The following HTT variants were observed in gnomAD, a reference collection of about 807,000 sequenced individuals.
The protein encoded by HTT is huntington disease protein.
In HTT, 104 loss-of-function variants were observed where a neutral mutation model predicts 362.3. The observed-to-expected ratio is 0.29, with a 90% CI of 0.24 to 0.34. The LOEUF is 0.34. HTT is among the 10% of genes least tolerant of loss of function. The pLI, the probability that HTT is intolerant of heterozygous loss-of-function variation, is 1.00. For synonymous variants in HTT, 1,577 were observed against 1,548.7 expected (o/e 1.02, Z -0.43); for missense variants, 3,301 against 3,928.6 (o/e 0.84, Z 4.27).
Position 3,182,351 on chromosome 4 carries a change from T to C in HTT, c.4750-3T>C, listed in dbSNP as rs756398589. ...GACTTTCTAATTGTGCACGCTCTTA[T>C]AGGTGTTGGAGATGTTCATTCTTGT... On this transcript the variant is annotated splice_polypyrimidine_tract_variant and splice_region_variant and intron_variant, in intron 36 of 66. Coordinates refer to ENST00000355072, the MANE Select transcript of HTT (RefSeq NM_001388492.1). The C allele has an allele frequency of 1.6e-5, 26 of 1,597,608 alleles. No individual in the cohort carries two copies. Among genetic ancestry groups the C allele is most frequent in the Middle Eastern group, 1.7e-4 (1 of 6,046 alleles).
At chr4:3,210,057 A>T in intron 47 of HTT, 108 bp downstream of exon 47, 1 of 1,395,220 alleles carries the variant, frequency 7.2e-7, no homozygotes, top group South Asian at 1.3e-5. Context: ...CATGTTGGGG[A>T]CTCCAGTCTG....
At chr4:3,164,021 G>C (rs552688328) in intron 29 of HTT, among the ~76,000 whole-genome samples, 9 of 152,118 alleles carry the variant, frequency 5.9e-5, no homozygotes, top group African/African-American at 1.9e-4. Context: ...TGATGTTAGG[G>C]TGTTAATTTT....
chr4:3,197,659 C>T (rs1357892698), intron 40 of HTT, among the ~76,000 whole-genome samples: 3 of 152,144 alleles, frequency 2.0e-5, no homozygotes, highest in African/African-American at 7.2e-5. Context: ...ACAGATACTG[C>T]TCTTAATTCC....
Position 3,140,667 on chromosome 4 carries a change from C to CTG in HTT, c.2945+11_2945+12insTG, listed in dbSNP as rs1560565965. On this transcript the variant is annotated intron_variant, in intron 22 of 66. Transcript: ENST00000355072. ...CAGCACAATAACCAGGTATGCTGACCCAGTGGCATCTTCACATTGTCGGGA... is the reference window on the plus strand; with the variant it reads ...CAGCACAATAACCAGGTATGCTGACCTGCAGTGGCATCTTCACATTGTCGGGA... The CTG allele has an allele frequency of 6.2e-6, 10 of 1,609,828 alleles. No homozygotes were observed. Among genetic ancestry groups the CTG allele is most frequent in the Non-Finnish European group, 7.6e-6 (9 of 1,177,302 alleles).
At chr4:3,222,841 G>T (rs936367236) in intron 54 of HTT, among the ~76,000 whole-genome samples, 3 of 152,180 alleles carry the variant, frequency 2.0e-5, no homozygotes, top group African/African-American at 7.2e-5. Flanking sequence ...GTAGTACCTG[G>T]TTTCATTTTT....
In HTT at chr4:3,238,549, C is replaced by T. The variant is rs767267961; in HGVS notation, c.8994C>T (p.Ile2998=). The T allele has an allele frequency of 7.5e-5, 121 of 1,613,264 alleles. No homozygotes were observed. In the East Asian group the frequency reaches 1.2e-3, roughly 15 times the overall value. The change falls in exon 65 of 67, where the codon ATC becomes ATT. Residue 2998 remains isoleucine, a synonymous_variant. Transcript: ENST00000355072. ...CCCAGGACATCATGAACAAAGTCAT[C>T]GGAGAGTTTCTGTCCAACCAGCAGC... ...FPPQDIMNKV[I]GEFLSNQQPY...
At chr4:3,207,638 C>G (rs1327715183) in intron 45 of HTT, among the ~76,000 whole-genome samples, 1 of 152,222 alleles carries the variant, frequency 6.6e-6, no homozygotes, top group Non-Finnish European at 1.5e-5. Flanking sequence ...CCTGTATTCA[C>G]TGTCCTGTGA....
At chr4:3,108,715 A>G (rs762218639) in intron 6 of HTT, among the ~76,000 whole-genome samples, 2 of 152,150 alleles carry the variant, frequency 1.3e-5, no homozygotes, top group Non-Finnish European at 2.9e-5. Context: ...AAAAAAATCT[A>G]TTCTGCTACC....
intron 29 of HTT, 42 bp downstream of exon 29, chr4:3,160,434 C>G (rs1252017887): frequency 1.6e-6 from 2 of 1,290,174 alleles, no homozygotes; most frequent in African/African-American, 2.9e-5. Flanking sequence ...GGCTGGCACA[C>G]TTGATGTGCG....
chr4:3,147,888 A>G, intron 25 of HTT, 117 bp from the exon 26 acceptor site: 1 of 721,054 alleles, frequency 1.4e-6, no homozygotes, highest in Non-Finnish European at 2.3e-6. Context: ...GTTGAATATC[A>G]GGCACAGATG....
chr4:3,090,084 T>C (rs1254517623), intron 2 of HTT, among the ~76,000 whole-genome samples: 2 of 152,228 alleles, frequency 1.3e-5, no homozygotes, highest in Non-Finnish European at 2.9e-5. Context: ...CTGTTTCCTG[T>C]TAACTCTCCT....
At chr4:3,209,773 A>C (rs1209164413) in intron 46 of HTT, 54 bp from the exon 47 acceptor site, 3 of 1,602,784 alleles carry the variant, frequency 1.9e-6, no homozygotes, top group African/African-American at 2.7e-5. Flanking sequence ...AGGGATGTGA[A>C]GTCCCCTTGA....
intron 10 of HTT, among the ~76,000 whole-genome samples, chr4:3,123,645 A>T (rs1560557660): frequency 6.6e-6 from 1 of 152,170 alleles, no homozygotes; most frequent in Non-Finnish European, 1.5e-5. Context: ...AGCTGTAGTC[A>T]TGCCACTGCA....
In HTT at chr4:3,217,867, C is replaced by T. The variant is rs765452818; in HGVS notation, c.7157C>T (p.Ala2386Val). 7 of 1,614,168 alleles carry T rather than the reference C, an allele frequency of 4.3e-6. No homozygotes were observed. The highest frequency in any genetic ancestry group is 2.2e-5 in the East Asian group (1 of 44,892). The change falls in exon 52 of 67, where the codon GCG becomes GTG. Residue 2386 changes from alanine to valine, a missense_variant. Ala to Val is a moderately conservative substitution (Grantham distance 64, BLOSUM62 0). Around this residue, in one of 4 missense-constraint regions of HTT, gnomAD observed 753 missense variants for 1,021.3 expected, o/e 0.74. Coordinates refer to ENST00000355072, the MANE Select transcript of HTT (RefSeq NM_001388492.1). The stretch of plus-strand genomic sequence containing the variant: ...CATAAAAGGAATAGCGGCGTGCCGG[C>T]GTTTCTCACGCCATTGCTAAGGAAC... Reference protein sequence around the residue: ...LGHKRNSGVPAFLTPLLRNII... With the variant: ...LGHKRNSGVPVFLTPLLRNII...
At chr4:3,107,725 G>A (rs959961531) in intron 6 of HTT, among the ~76,000 whole-genome samples, 1 of 152,158 alleles carries the variant, frequency 6.6e-6, no homozygotes, top group Non-Finnish European at 1.5e-5. Context: ...ACCTAGCTGC[G>A]GGAAGATGAC....
intron 39 of HTT, 122 bp from the exon 40 acceptor site, chr4:3,188,829 C>A: frequency 2.2e-6 from 2 of 915,628 alleles, no homozygotes; most frequent in Non-Finnish European, 3.3e-6. Context: ...TTCACTTTAG[C>A]GGTTAATGTA....
chr4:3,202,327 G>A (rs1227599082), intron 41 of HTT, among the ~76,000 whole-genome samples: 1 of 152,104 alleles, frequency 6.6e-6, no homozygotes, highest in African/African-American at 2.4e-5. Flanking sequence ...AGTTGACAGT[G>A]GACCTTCTTT....
Position 3,218,826 on chromosome 4 carries a change from A to G in HTT, c.7242+874A>G, listed in dbSNP as rs540300480. 1.3e-5 allele frequency among the ~76,000 whole-genome samples: 2 copies of G among 152,306 alleles called. No individual in the cohort carries two copies. The highest frequency in any genetic ancestry group is 3.9e-4 in the East Asian group (2 of 5,186). On this transcript the variant is annotated intron_variant, in intron 52 of 66. Transcript: ENST00000355072. The surrounding 1 kb of genome is among the most constrained non-coding windows in gnomAD (Gnocchi z 4.4). The stretch of plus-strand genomic sequence containing the variant: ...GGCCTGCAGCATCCTCAGGCAGGAA[A>G]GAAAGGCCGACCTGGCAGGGTGTGA...
At chr4:3,204,171 CG>C in intron 42 of HTT, 23 bp downstream of exon 42, 3 of 1,613,584 alleles carry the variant, frequency 1.9e-6, no homozygotes, top group Non-Finnish European at 1.7e-6. Flanking sequence ...TGCCTGTAAA[CG>C]GGGTTGAGGG....
Sources: allele counts gnomAD v4.1 joint callset (sites outside exome capture counted in the v4.1 genomes callset), GRCh38; gene constraint gnomAD v4.1.1; regional missense constraint gnomAD v4.1.1; non-coding constraint Gnocchi (gnomAD v3.1); transcripts MANE v1.5; gene names NCBI Gene and HGNC (gene_info 2026-07-23, HGNC 2026-07-21).